ALLC: variants seen among roughly 807,000 people sequenced by gnomAD.
ALLC encodes the protein probable inactive allantoicase.
Under a neutral mutation model 45.0 loss-of-function variants are expected in ALLC, and 40 were observed. The observed-to-expected ratio is 0.89, with a 90% CI of 0.69 to 1.16. The LOEUF is 1.16. Ranked by LOEUF, ALLC falls within the 50% of genes most tolerant of loss-of-function variation. The pLI is 0.00. For missense variants in ALLC, 488 were observed against 493.1 expected (o/e 0.99, Z 0.10); for synonymous variants, 176 against 178.1 (o/e 0.99, Z 0.09).
chr2:3,692,610 C>T (rs1667552984), intron 7 of ALLC, among the ~76,000 whole-genome samples: 1 of 152,206 alleles, frequency 6.6e-6, no homozygotes, highest in Non-Finnish European at 1.5e-5. Context: ...AATCAAATTA[C>T]TGCCCATCAG....
chr2:3,664,223 T>G (rs1029183179), intron 1 of ALLC, among the ~76,000 whole-genome samples: 1 of 152,204 alleles, frequency 6.6e-6, no homozygotes, highest in African/African-American at 2.4e-5. Context: ...CCCCTGCTGC[T>G]TCTATGAAAT....
At chr2:3,678,385 C>A in intron 3 of ALLC, 83 bp from the exon 4 acceptor site, 2 of 1,182,644 alleles carry the variant, frequency 1.7e-6, no homozygotes, top group Non-Finnish European at 2.5e-6. Context: ...GTTCCTCTGG[C>A]ACTGTGGGAC....
Position 3,693,942 on chromosome 2 carries a change from C to T in ALLC, c.512-1775C>T, listed in dbSNP as rs547353279. ...GGCGGAGGTTGCAGTGAGCCGAGAT[C>T]GTGCCACTGCATTCCAGCCTGGGCA... is the stretch of plus-strand genomic sequence containing the variant. On this transcript the variant is annotated intron_variant, in intron 7 of 11. Transcript: ENST00000252505. 1.9e-4 allele frequency among the ~76,000 whole-genome samples: 29 copies of T among 152,090 alleles called. No individual in the cohort carries two copies. The South Asian group carries it at 3.5e-3, about 19-fold the overall frequency.
intron 10 of ALLC, among the ~76,000 whole-genome samples, chr2:3,699,040 T>A (rs1386527569): frequency 6.6e-6 from 1 of 152,226 alleles, no homozygotes; most frequent in African/African-American, 2.4e-5. Flanking sequence ...TTTTAACTAT[T>A]ATTTTAGGTT....
intron 2 of ALLC, among the ~76,000 whole-genome samples, chr2:3,673,209 C>T (rs921982142): frequency 3.9e-5 from 6 of 152,230 alleles, no homozygotes; most frequent in Admixed American, 3.9e-4. Flanking sequence ...CTCAGTGTTT[C>T]AAGAACACGC....
At chr2:3,677,967 G>A (rs1033907813) in intron 3 of ALLC, among the ~76,000 whole-genome samples, 3 of 152,236 alleles carry the variant, frequency 2.0e-5, no homozygotes, top group Non-Finnish European at 4.4e-5. Flanking sequence ...GTGCTCAGCT[G>A]TCTAAGGAGG....
chr2:3,666,154 C>T (rs960737909), intron 1 of ALLC, among the ~76,000 whole-genome samples: 4 of 152,188 alleles, frequency 2.6e-5, no homozygotes, highest in African/African-American at 4.8e-5. Context: ...TCATGCCCCA[C>T]GTTACCAGGA....
rs534217736 is a variant in ALLC, at chr2:3,666,826, G to C, written c.-62-4270G>C. Among the ~76,000 whole-genome samples the C allele has an allele frequency of 1.3e-3, 197 of 152,278 alleles. No individual in the cohort carries two copies. In the Middle Eastern group the frequency reaches 0.014, roughly 11 times the overall value. ...GTGAGCTCTGCGTCGTAATCTTTTC[G>C]GAGCTCTTCCAGCACAGTCCAGTCA... On this transcript the variant is annotated intron_variant, in intron 1 of 11. Coordinates refer to ENST00000252505, the MANE Select transcript of ALLC (RefSeq NM_018436.4).
At chr2:3,667,164 A>G (rs1373708482) in intron 1 of ALLC, among the ~76,000 whole-genome samples, 1 of 152,074 alleles carries the variant, frequency 6.6e-6, no homozygotes, top group Non-Finnish European at 1.5e-5. Flanking sequence ...CCAGCCTGGC[A>G]TCCACCCCTA....
chr2:3,676,914 A>T (rs930406762), intron 3 of ALLC, among the ~76,000 whole-genome samples: 2 of 151,790 alleles, frequency 1.3e-5, no homozygotes, highest in African/African-American at 4.8e-5. Flanking sequence ...CAGCCTCCCA[A>T]GTAGCTGGGA....
At position 3,687,594 on chromosome 2, in the gene ALLC, A is replaced by G. The variant is rs780966333; in HGVS notation, c.511+4520A>G. 8.6e-5 allele frequency among the ~76,000 whole-genome samples: 13 copies of G among 150,946 alleles called. 1 individual carries two copies. Among genetic ancestry groups the G allele is most frequent in the Non-Finnish European group, 1.9e-4 (13 of 67,552 alleles). On this transcript the variant is annotated intron_variant, in intron 7 of 11. Transcript: ENST00000252505. ...AATTTTCTTTAATGGGAGACTTTTT[A>G]AATTTCAGCTTTTATCTCATCATTC...
At chr2:3,657,475 G>T (rs151085172), upstream of ALLC, among the ~76,000 whole-genome samples, 29 of 150,958 alleles carry the variant, frequency 1.9e-4, no homozygotes, top group African/African-American at 6.3e-4. Flanking sequence ...TTCCAGCTCA[G>T]TCCCTCCCTG....
chr2:3,690,897 C>T (rs946669816), intron 7 of ALLC, among the ~76,000 whole-genome samples: 3 of 151,358 alleles, frequency 2.0e-5, no homozygotes, highest in African/African-American at 7.3e-5. Flanking sequence ...TTCGTTAATG[C>T]ACTTAATTTT....
chr2:3,691,226 G>A (rs1033774992), intron 7 of ALLC, among the ~76,000 whole-genome samples: 2 of 137,802 alleles, frequency 1.5e-5, no homozygotes, highest in Non-Finnish European at 3.4e-5. Context: ...CTTTTCTCTT[G>A]CTGCTTTTAG....
At chr2:3,695,210 C>T (rs1345310812) in intron 7 of ALLC, 1 of 155,440 alleles carries the variant, frequency 6.4e-6, no homozygotes, top group Non-Finnish European at 1.4e-5. Context: ...TACTATGTGC[C>T]CAGACCTCTT....
chr2:3,671,062 C>T (rs1666855408), intron 1 of ALLC, 34 bp from the exon 2 acceptor site: 1 of 1,391,386 alleles, frequency 7.2e-7, no homozygotes, highest in Non-Finnish European at 1.0e-6. Flanking sequence ...TCCCGCAGCC[C>T]CCAAGGTTGA....
At position 3,675,597 on chromosome 2, in the gene ALLC, T is replaced by TAC. The variant is rs1297201573; in HGVS notation, c.84+1473_84+1474insCA. ...TTATACTTGAGCATATATATATATA[T>TAC]ATACACACACACACATATAAACACT... On this transcript the variant is annotated intron_variant, in intron 3 of 11. Coordinates refer to ENST00000252505, the MANE Select transcript of ALLC (RefSeq NM_018436.4). 6.1e-4 allele frequency among the ~76,000 whole-genome samples: 93 copies of TAC among 151,686 alleles called. 1 individual carries two copies. The highest frequency in any genetic ancestry group is 1.9e-3 in the South Asian group (9 of 4,806).
the ALLC span, among the ~76,000 whole-genome samples, chr2:3,648,446 C>G: frequency 6.6e-6 from 1 of 152,192 alleles, no homozygotes; most frequent in Non-Finnish European, 1.5e-5. Context: ...GCTGGCTCTT[C>G]CTCACCTGCA....
At position 3,663,991 on chromosome 2, in the gene ALLC, C is replaced by T. The variant is rs115052215; in HGVS notation, c.-63+5697C>T. On this transcript the variant is annotated intron_variant, in intron 1 of 11. Coordinates refer to ENST00000252505, the MANE Select transcript of ALLC (RefSeq NM_018436.4). ...TGTCATTAGATTTAAATTTAAATAC[C>T]ATGTATAGCAAGTGGTTCCCACGTC... Among the ~76,000 whole-genome samples, 904 of 152,218 alleles carry T rather than the reference C, an allele frequency of 5.9e-3. 9 individuals are homozygous for T. Among genetic ancestry groups the T allele is most frequent in the African/African-American group, 0.021 (870 of 41,528 alleles).
Sources: gnomAD v4.1 joint callset for allele counts (sites outside exome capture counted in the v4.1 genomes callset) on GRCh38, gnomAD v4.1.1 for gene constraint, MANE v1.5 for transcripts, NCBI Gene and HGNC (gene_info 2026-07-23, HGNC 2026-07-21) for gene names.